The following SYNDIG1 variants were observed in gnomAD, a reference collection of about 807,000 sequenced individuals.
SYNDIG1 encodes synapse differentiation-inducing gene protein 1.
Under a neutral mutation model 19.4 loss-of-function variants are expected in SYNDIG1, and 9 were observed. That is an observed-to-expected ratio of 0.46 (90% CI 0.28 to 0.81). SYNDIG1 has a LOEUF of 0.81. Ranked by LOEUF, SYNDIG1 falls within the 30% of genes least tolerant of loss-of-function variation. SYNDIG1 has a pLI of 0.12. For synonymous variants in SYNDIG1, 141 were observed against 145.9 expected (o/e 0.97, Z 0.24); for missense variants, 311 against 343.3 (o/e 0.91, Z 0.74).
intron 2 of SYNDIG1, among the ~76,000 whole-genome samples, chr20:24,545,373 A>T (rs1215986213): frequency 2.0e-5 from 3 of 152,136 alleles, no homozygotes; most frequent in South Asian, 4.2e-4. Flanking sequence ...TCTGTTCAGA[A>T]GCCTCTGCCC....
intron 1 of SYNDIG1, among the ~76,000 whole-genome samples, chr20:24,541,508 C>G (rs1319921445): frequency 2.0e-5 from 3 of 152,180 alleles, no homozygotes; most frequent in Admixed American, 6.5e-5. Context: ...CTCCAGCTGC[C>G]TTCCTCTATA....
At chr20:24,592,066 G>A (rs2058519611) in intron 3 of SYNDIG1, among the ~76,000 whole-genome samples, 2 of 152,192 alleles carry the variant, frequency 1.3e-5, no homozygotes, top group South Asian at 2.1e-4. Flanking sequence ...AATTATGGGA[G>A]AGAACCAAGC....
At chr20:24,625,193 T>G (rs555289990) in intron 3 of SYNDIG1, among the ~76,000 whole-genome samples, 1 of 151,994 alleles carries the variant, frequency 6.6e-6, no homozygotes, top group Admixed American at 6.6e-5. Context: ...AAGAAATGAA[T>G]AACATTATAA....
intron 1 of SYNDIG1, among the ~76,000 whole-genome samples, chr20:24,473,948 C>T (rs2055545108): frequency 6.6e-6 from 1 of 152,162 alleles, no homozygotes; most frequent in Non-Finnish European, 1.5e-5. Flanking sequence ...AGCAGCAGAA[C>T]CCAGAGTCTG....
intron 3 of SYNDIG1, among the ~76,000 whole-genome samples, chr20:24,588,432 C>T (rs1242413431): frequency 1.3e-5 from 2 of 152,240 alleles, no homozygotes; most frequent in Non-Finnish European, 2.9e-5. Context: ...AGGTTCAGCG[C>T]TGGAGCCATG....
intron 2 of SYNDIG1, among the ~76,000 whole-genome samples, chr20:24,551,714 T>C (rs2057709889): frequency 6.6e-6 from 1 of 152,220 alleles, no homozygotes; most frequent in Non-Finnish European, 1.5e-5. Context: ...AAAATACTTC[T>C]GTAGCCATTG....
chr20:24,653,548 C>T (rs935497239), intron 3 of SYNDIG1, among the ~76,000 whole-genome samples: 1 of 152,174 alleles, frequency 6.6e-6, no homozygotes, highest in Non-Finnish European at 1.5e-5. Context: ...GACCAAAGTC[C>T]ACAGCATGGT....
At chr20:24,485,919 AC>A (rs1044617857) in intron 1 of SYNDIG1, among the ~76,000 whole-genome samples, 2 of 151,810 alleles carry the variant, frequency 1.3e-5, no homozygotes, top group Non-Finnish European at 2.9e-5. Flanking sequence ...GTGGACAGAG[AC>A]CCCCCCAGGA....
intron 1 of SYNDIG1, among the ~76,000 whole-genome samples, chr20:24,531,326 C>G (rs2057254918): frequency 6.6e-6 from 1 of 152,026 alleles, no homozygotes; most frequent in African/African-American, 2.4e-5. Flanking sequence ...AAATCATAAA[C>G]CAACAGTGCA....
chr20:24,662,588 C>A (rs77586608), intron 3 of SYNDIG1, among the ~76,000 whole-genome samples: 401 of 152,278 alleles, frequency 2.6e-3, no homozygotes, highest in African/African-American at 9.3e-3. Context: ...TGAGCTGAAA[C>A]GCTTTCTCTG....
At chr20:24,494,684 G>A (rs1227111500) in intron 1 of SYNDIG1, among the ~76,000 whole-genome samples, 1 of 152,146 alleles carries the variant, frequency 6.6e-6, no homozygotes, top group African/African-American at 2.4e-5. Context: ...GGCCCTGAGG[G>A]GCCACCCTAC....
intron 2 of SYNDIG1, among the ~76,000 whole-genome samples, chr20:24,572,364 G>A (rs980186126): frequency 5.3e-5 from 8 of 152,328 alleles, no homozygotes; most frequent in African/African-American, 1.9e-4. Context: ...GAGACTGGGC[G>A]GGAGGCTCCT....
intron 3 of SYNDIG1, among the ~76,000 whole-genome samples, chr20:24,632,382 G>C (rs1287034674): frequency 1.3e-5 from 2 of 152,112 alleles, no homozygotes; most frequent in Non-Finnish European, 2.9e-5. Context: ...TGGGATTACA[G>C]GCACATGCCA....
chr20:24,499,642 C>T (rs751034553), intron 1 of SYNDIG1, among the ~76,000 whole-genome samples: 4 of 152,140 alleles, frequency 2.6e-5, no homozygotes, highest in African/African-American at 7.2e-5. Context: ...CTGAGTCGGT[C>T]GGTACCTGTC....
chr20:24,550,512 CTTTT>C (rs10597680), intron 2 of SYNDIG1, among the ~76,000 whole-genome samples: 1 of 139,950 alleles, frequency 7.1e-6, no homozygotes, highest in Non-Finnish European at 1.5e-5. Context: ...ACGTTAACTG[CTTTT>C]TTTTTTTTTT....
intron 3 of SYNDIG1, among the ~76,000 whole-genome samples, chr20:24,636,250 G>A (rs936017625): frequency 1.3e-5 from 2 of 152,164 alleles, no homozygotes. Flanking sequence ...TATTGAAGCT[G>A]CGTCATTGTT....
chr20:24,614,120 A>C (rs1194680717), intron 3 of SYNDIG1, among the ~76,000 whole-genome samples: 4 of 152,116 alleles, frequency 2.6e-5, no homozygotes, highest in Admixed American at 2.6e-4. Context: ...TCAGCCTCCC[A>C]AGTAGCTGGG....
intron 2 of SYNDIG1, among the ~76,000 whole-genome samples, chr20:24,559,379 G>A (rs762593595): frequency 5.3e-5 from 8 of 152,280 alleles, no homozygotes; most frequent in South Asian, 4.2e-4. Flanking sequence ...ATTCTAAAAA[G>A]CCATGACCTG....
Position 24,607,124 on chromosome 20 carries a change from C to A in SYNDIG1, c.618+22131C>A, listed in dbSNP as rs533918707. 1.3e-4 allele frequency among the ~76,000 whole-genome samples: 20 copies of A among 152,228 alleles called. No individual in the cohort carries two copies. The South Asian group carries it at 4.2e-3, about 32-fold the overall frequency. On this transcript the variant is annotated intron_variant, in intron 3 of 3. Coordinates refer to ENST00000376862, the MANE Select transcript of SYNDIG1 (RefSeq NM_024893.3). ...CCTATAATCCCAGCACTTTGGGAGGCTGAGGCAGTTGGATCACCTGAGGTC... is the reference window on the plus strand; with the variant it reads ...CCTATAATCCCAGCACTTTGGGAGGATGAGGCAGTTGGATCACCTGAGGTC...
Sources: gnomAD v4.1 joint callset for allele counts (sites outside exome capture counted in the v4.1 genomes callset) on GRCh38, gnomAD v4.1.1 for gene constraint, MANE v1.5 for transcripts, NCBI Gene and HGNC (gene_info 2026-07-23, HGNC 2026-07-21) for gene names.